Variants in PCDHGA9 observed in about 807,000 individuals in gnomAD.
PCDHGA9 encodes the protein protocadherin gamma subfamily A, 9.
In PCDHGA9, 37 loss-of-function variants were observed where a neutral mutation model predicts 62.5. The ratio of observed to expected loss-of-function variants is 0.59; its 90% CI spans 0.46 to 0.78. The LOEUF is 0.78. Among genes scored for constraint, PCDHGA9 ranks in the 30% least tolerant of loss-of-function variants. The probability of loss-of-function intolerance (pLI) is 0.00; values close to 1 mark genes in which losing one functional copy is unlikely to be tolerated. For missense variants in PCDHGA9, 1,138 were observed against 1,166.2 expected (o/e 0.98, Z 0.35); for synonymous variants, 459 against 484.6 (o/e 0.95, Z 0.69).
At chr5:141,461,328 A>G (rs2154567322) in intron 1 of PCDHGA9, among the ~76,000 whole-genome samples, 1 of 152,282 alleles carries the variant, frequency 6.6e-6, no homozygotes, top group East Asian at 1.9e-4. Flanking sequence ...AATAATGGCC[A>G]TTCTTGCAGG....
chr5:141,510,032 T>C (rs1410346284), intron 3 of PCDHGA9, among the ~76,000 whole-genome samples: 3 of 152,150 alleles, frequency 2.0e-5, no homozygotes, highest in Non-Finnish European at 4.4e-5. Flanking sequence ...GCTGGGCTGT[T>C]ATGTAGAGGT....
intron 1 of PCDHGA9, among the ~76,000 whole-genome samples, chr5:141,406,193 C>T (rs2094777569): frequency 1.3e-5 from 2 of 151,820 alleles, no homozygotes. Flanking sequence ...CCACCTCAGC[C>T]TTCACAGTAG....
Position 141,486,986 on chromosome 5 carries a change from T to C in PCDHGA9, c.2425-7821T>C. Reference sequence around the variant, plus strand: ...GGACTTGGATTCAGGTTACAATGCTTGGGTTTCCTATCAGCTCCTGGAGGC... The same window carrying C: ...GGACTTGGATTCAGGTTACAATGCTCGGGTTTCCTATCAGCTCCTGGAGGC... On this transcript the variant is annotated intron_variant, in intron 1 of 3. Coordinates refer to ENST00000573521, the MANE Select transcript of PCDHGA9 (RefSeq NM_018921.3). The surrounding 1 kb of genome is among the most constrained non-coding windows in gnomAD (Gnocchi z 5.0). 6.2e-7 allele frequency: 1 copy of C among 1,614,214 alleles called. No homozygotes were observed. Among genetic ancestry groups the C allele is most frequent in the South Asian group, 1.1e-5 (1 of 91,088 alleles).
In PCDHGA9 at chr5:141,486,671, C is replaced by A. The variant is rs1307620045; in HGVS notation, c.2425-8136C>A. On this transcript the variant is annotated intron_variant, in intron 1 of 3. Coordinates refer to ENST00000573521, the MANE Select transcript of PCDHGA9 (RefSeq NM_018921.3). The surrounding 1 kb of genome is among the most constrained non-coding windows in gnomAD (Gnocchi z 5.0). The stretch of plus-strand genomic sequence containing the variant: ...CTACTCACTCCTGGAGCCCAGGAAT[C>A]GAGATGTATCAGCTTCCTCTTTCAT... 1.9e-6 allele frequency: 3 copies of A among 1,614,044 alleles called. No individual in the cohort carries two copies. The highest frequency in any genetic ancestry group is 2.5e-6 in the Non-Finnish European group (3 of 1,180,014).
At position 141,487,051 on chromosome 5, in the gene PCDHGA9, G is replaced by A. The variant is rs1348441475; in HGVS notation, c.2425-7756G>A. The A allele has an allele frequency of 3.7e-6, 6 of 1,614,024 alleles. No individual in the cohort carries two copies. The highest frequency in any genetic ancestry group is 5.1e-6 in the Non-Finnish European group (6 of 1,180,024). On this transcript the variant is annotated intron_variant, in intron 1 of 3. Coordinates refer to ENST00000573521, the MANE Select transcript of PCDHGA9 (RefSeq NM_018921.3). This position sits in a 1 kb window ranked among gnomAD's most constrained non-coding sequence, Gnocchi z 5.0. ...TGTTTGCAGTCTCTCGATATGCTGG[G>A]GAGGTGCGGACGGCTGTTCCTATCC... is the stretch of plus-strand genomic sequence containing the variant.
intron 1 of PCDHGA9, chr5:141,492,036 T>A: frequency 1.9e-6 from 1 of 536,866 alleles, no homozygotes; most frequent in Non-Finnish European, 3.2e-6. Flanking sequence ...GAGGAGGCAG[T>A]CACAGATCCA....
Position 141,486,173 on chromosome 5 carries a change from T to C in PCDHGA9, c.2425-8634T>C. 1 of 1,614,220 alleles carries C rather than the reference T, an allele frequency of 6.2e-7. No homozygotes were observed. Among genetic ancestry groups the C allele is most frequent in the Non-Finnish European group, 8.5e-7 (1 of 1,180,042 alleles). ...GGGTTCTCCAGCCATGGAGCAACATTGCAGCCTTCGAGTGGATCTGCTGGA... is the reference window on the plus strand; with the variant it reads ...GGGTTCTCCAGCCATGGAGCAACATCGCAGCCTTCGAGTGGATCTGCTGGA... On this transcript the variant is annotated intron_variant, in intron 1 of 3. Transcript: ENST00000573521. The surrounding 1 kb of genome is among the most constrained non-coding windows in gnomAD (Gnocchi z 5.0).
At chr5:141,414,878 A>G in intron 1 of PCDHGA9, 2 of 1,614,026 alleles carry the variant, frequency 1.2e-6, no homozygotes, top group Non-Finnish European at 1.7e-6. Context: ...GAGATCCTGT[A>G]CCCCGCCCTC....
rs1296142784 is a variant in PCDHGA9 at position 141,431,302 on chromosome 5, C to T, written c.2424+25926C>T. ...GCCCGAACACTCACTTCTCCCTCAT[C>T]GTGCAAAATGGAGCCGACGGTAGTA... is the stretch of plus-strand genomic sequence containing the variant. On this transcript the variant is annotated intron_variant, in intron 1 of 3. Coordinates refer to ENST00000573521, the MANE Select transcript of PCDHGA9 (RefSeq NM_018921.3). This position sits in a 1 kb window ranked among gnomAD's most constrained non-coding sequence, Gnocchi z 4.8. 2 of 1,614,028 alleles carry T rather than the reference C, an allele frequency of 1.2e-6. No individual in the cohort carries two copies. Among genetic ancestry groups the T allele is most frequent in the African/African-American group, 1.3e-5 (1 of 74,946 alleles).
At chr5:141,500,473 T>C (rs911171031) in intron 2 of PCDHGA9, among the ~76,000 whole-genome samples, 10 of 152,132 alleles carry the variant, frequency 6.6e-5, no homozygotes, top group Admixed American at 4.6e-4. Flanking sequence ...CCTCCCAAAG[T>C]GCTGGGATTA....
At chr5:141,409,021 C>T in intron 1 of PCDHGA9, 4 of 1,613,972 alleles carry the variant, frequency 2.5e-6, no homozygotes, top group Non-Finnish European at 3.4e-6. Context: ...ATGAGGGGGT[C>T]AATGCTGAGA....
At chr5:141,445,575 G>A (rs571896159) in intron 1 of PCDHGA9, among the ~76,000 whole-genome samples, 18 of 152,262 alleles carry the variant, frequency 1.2e-4, no homozygotes, top group African/African-American at 4.3e-4. Flanking sequence ...CTTATAGTAG[G>A]GAAGCTTCGC....
intron 1 of PCDHGA9, chr5:141,428,219 T>C (rs749413221): frequency 8.4e-7 from 1 of 1,195,778 alleles, no homozygotes. Context: ...CACCTAGTCT[T>C]CGCAGACAGC....
Position 141,486,177 on chromosome 5 carries a change from G to A in PCDHGA9, c.2425-8630G>A. The A allele has an allele frequency of 6.2e-7, 1 of 1,614,222 alleles. No individual in the cohort carries two copies. Among genetic ancestry groups the A allele is most frequent in the Non-Finnish European group, 8.5e-7 (1 of 1,180,042 alleles). ...TCTCCAGCCATGGAGCAACATTGCA[G>A]CCTTCGAGTGGATCTGCTGGACGTA... On this transcript the variant is annotated intron_variant, in intron 1 of 3. Coordinates refer to ENST00000573521, the MANE Select transcript of PCDHGA9 (RefSeq NM_018921.3). The surrounding 1 kb of genome is among the most constrained non-coding windows in gnomAD (Gnocchi z 5.0).
chr5:141,430,997 C>T, intron 1 of PCDHGA9: 1 of 1,613,926 alleles, frequency 6.2e-7, no homozygotes, highest in Non-Finnish European at 8.5e-7. Context: ...CCTGAATCCG[C>T]GCAGCGGCAG....
intron 3 of PCDHGA9, among the ~76,000 whole-genome samples, chr5:141,507,518 A>T (rs1323767789): frequency 6.6e-6 from 1 of 152,132 alleles, no homozygotes; most frequent in African/African-American, 2.4e-5. Flanking sequence ...TGGGGCTATG[A>T]TTCCAGAGAG....
chr5:141,468,790 C>T (rs1215557602), intron 1 of PCDHGA9, among the ~76,000 whole-genome samples: 10 of 151,564 alleles, frequency 6.6e-5, no homozygotes, highest in African/African-American at 2.2e-4. Context: ...GGCGTGAACC[C>T]GGGAGGCGGA....
intron 1 of PCDHGA9, chr5:141,440,542 C>T (rs1448576873): frequency 6.6e-6 from 1 of 152,206 alleles, no homozygotes; most frequent in Non-Finnish European, 1.5e-5. Context: ...CACGGTTCAG[C>T]AGGAATGTTA....
chr5:141,419,391 G>A, intron 1 of PCDHGA9: 1 of 1,613,630 alleles, frequency 6.2e-7, no homozygotes. Flanking sequence ...AGCGCGCAGA[G>A]CGGGGTGGTG....
Sources: allele counts gnomAD v4.1 joint callset (sites outside exome capture counted in the v4.1 genomes callset), GRCh38; gene constraint gnomAD v4.1.1; non-coding constraint Gnocchi (gnomAD v3.1); transcripts MANE v1.5; gene names NCBI Gene and HGNC (gene_info 2026-07-23, HGNC 2026-07-21).